The following ZNF578 variants were observed in gnomAD, a reference collection of about 807,000 sequenced individuals.
ZNF578 encodes the protein Putative chemokine-related protein B42.
A neutral mutation model predicts 8.3 loss-of-function variants in ZNF578; 8 were observed. The observed-to-expected ratio is 0.96, with a 90% confidence interval of 0.56 to 1.74. The LOEUF is 1.74. Among genes scored for constraint, ZNF578 ranks in the 40% most tolerant of loss-of-function variants. The pLI, the probability that ZNF578 is intolerant of heterozygous loss-of-function variation, is 0.00. For synonymous variants in ZNF578, 206 were observed against 232.2 expected, an observed-to-expected ratio of 0.89 and a Z score of 1.03; for missense variants, 726 against 707.5, an observed-to-expected ratio of 1.03 and a Z score of -0.30.
chr19:52,482,078 G>C (rs1176494018), intron 2 of ZNF578, among the ~76,000 whole-genome samples: 1 of 152,144 alleles, frequency 6.6e-6, no homozygotes. Flanking sequence ...TTGTTGTCCA[G>C]GCTGGAGTGC....
intron 3 of ZNF578, among the ~76,000 whole-genome samples, chr19:52,493,532 A>G (rs936819550): frequency 9.2e-5 from 14 of 152,160 alleles, no homozygotes; most frequent in African/African-American, 2.7e-4. Flanking sequence ...AGGGAGAAAC[A>G]CAGCAGGGAG....
At chr19:52,482,092 G>T (rs1306942764) in intron 2 of ZNF578, among the ~76,000 whole-genome samples, 1 of 152,140 alleles carries the variant, frequency 6.6e-6, no homozygotes, top group African/African-American at 2.4e-5. Flanking sequence ...GGAGTGCAAT[G>T]GTATGATCTC....
intron 2 of ZNF578, among the ~76,000 whole-genome samples, chr19:52,490,543 G>A (rs2059361708): frequency 6.6e-6 from 1 of 152,102 alleles, no homozygotes; most frequent in African/African-American, 2.4e-5. Flanking sequence ...GATATGTAAT[G>A]GAACTGACAC....
intron 2 of ZNF578, among the ~76,000 whole-genome samples, chr19:52,480,002 C>A (rs1309282470): frequency 6.6e-6 from 1 of 152,132 alleles, no homozygotes; most frequent in East Asian, 1.9e-4. Flanking sequence ...CTCCGCCTCC[C>A]GGGTTCATGC....
At chr19:52,501,570 T>A (rs528911119) in intron 3 of ZNF578, among the ~76,000 whole-genome samples, 1 of 152,136 alleles carries the variant, frequency 6.6e-6, no homozygotes, top group South Asian at 2.1e-4. Context: ...GAAGGAGAGA[T>A]CAGTCCAGCC....
intron 2 of ZNF578, among the ~76,000 whole-genome samples, chr19:52,467,493 G>A (rs74826240): frequency 6.6e-6 from 1 of 152,060 alleles, no homozygotes; most frequent in African/African-American, 2.4e-5. Context: ...GCACAAACCT[G>A]TAGTCCCACC....
chr19:52,459,729 G>A lies in ZNF578; in HGVS notation c.-122+2771G>A, dbSNP rs1405277474. ...TATGTAGATATGTGTGTGTGTGTGT[G>A]TGTGTGTGTGTGTGTGTGTGTGTAT... is the stretch of plus-strand genomic sequence containing the variant. On this transcript the variant is annotated intron_variant, in intron 2 of 5. Coordinates refer to ENST00000421239, the MANE Select transcript of ZNF578 (RefSeq NM_001099694.2). Among the ~76,000 whole-genome samples the A allele has an allele frequency of 4.9e-3, 107 of 21,658 alleles. 1 individual carries two copies. The highest frequency in any genetic ancestry group is 7.2e-3 in the African/African-American group (55 of 7,674). The allele number at this position is 21,658 out of a possible 152,430, so 14.2% of individuals were successfully genotyped here. A position where few individuals can be genotyped will look rare whatever the true frequency, so the allele number is the denominator to read the frequency against.
chr19:52,458,908 T>C (rs2059247744), intron 2 of ZNF578: 1 of 152,218 alleles, frequency 6.6e-6, no homozygotes, highest in Non-Finnish European at 1.5e-5. Flanking sequence ...ATTACAGATG[T>C]TTGTCATAAG....
At chr19:52,478,674 A>C (rs1176963072) in intron 2 of ZNF578, among the ~76,000 whole-genome samples, 1 of 152,100 alleles carries the variant, frequency 6.6e-6, no homozygotes, top group African/African-American at 2.4e-5. Flanking sequence ...CAGATGATCA[A>C]CTTTAAGGCC....
chr19:52,508,786 A>G (rs1318606175), intron 5 of ZNF578, among the ~76,000 whole-genome samples: 1 of 145,602 alleles, frequency 6.9e-6, no homozygotes, highest in Non-Finnish European at 1.5e-5. Flanking sequence ...CAAGAGTGGA[A>G]CTCTGTCTCA....
chr19:52,498,329 G>GTTTT (rs58765518), intron 3 of ZNF578, among the ~76,000 whole-genome samples: 3 of 113,724 alleles, frequency 2.6e-5, no homozygotes, highest in East Asian at 2.6e-4. Flanking sequence ...GCTAATGTGT[G>GTTTT]TTTTTTTTTT....
intron 2 of ZNF578, among the ~76,000 whole-genome samples, chr19:52,464,653 T>G (rs116630462): frequency 0.014 from 2,130 of 152,260 alleles, 50 homozygotes; most frequent in African/African-American, 0.048. Context: ...TTGTTCTCTA[T>G]TTTTTGCTGC....
intron 2 of ZNF578, among the ~76,000 whole-genome samples, chr19:52,479,944 C>G (rs2059320267): frequency 6.6e-6 from 1 of 152,124 alleles, no homozygotes; most frequent in Admixed American, 6.6e-5. Flanking sequence ...CAGTCTCGCT[C>G]TGTCTCCCAG....
At chr19:52,473,447 T>A (rs114779874) in intron 2 of ZNF578, 2,103 of 155,900 alleles carry the variant, frequency 0.013, 50 homozygotes, top group African/African-American at 0.047. Flanking sequence ...AAGGTGGAAC[T>A]TTTGTCTAAA....
intron 2 of ZNF578, chr19:52,458,861 T>G (rs2059247594): frequency 6.6e-6 from 1 of 152,226 alleles, no homozygotes; most frequent in Admixed American, 6.5e-5. Context: ...TTAATTTGAA[T>G]TTTTGCGTAT....
intron 2 of ZNF578, among the ~76,000 whole-genome samples, chr19:52,468,858 G>A (rs2059283353): frequency 6.6e-6 from 1 of 152,184 alleles, no homozygotes; most frequent in Non-Finnish European, 1.5e-5. Flanking sequence ...TCAGATTATA[G>A]GTTCTTCAGC....
intron 3 of ZNF578, among the ~76,000 whole-genome samples, chr19:52,491,709 T>C (rs1363159305): frequency 2.0e-5 from 3 of 151,754 alleles, no homozygotes; most frequent in Non-Finnish European, 1.5e-5. Context: ...AGAAATACTG[T>C]CTTAAAAATA....
At position 52,511,905 on chromosome 19, in the gene ZNF578, G is replaced by C; in HGVS notation, c.1524G>C (p.Glu508Asp). 2 of 1,613,698 alleles carry C rather than the reference G, an allele frequency of 1.2e-6. No individual in the cohort carries two copies. Among genetic ancestry groups the C allele is most frequent in the Non-Finnish European group, 1.7e-6 (2 of 1,179,916 alleles). ...GCCATCGTAGACTTCATAGTGGTGA[G>C]AAACCTTACAAGTGTAATGAATGTG... ...LPCHRRLHSGEKPYKCNECGK... is the reference protein window; with the variant it reads ...LPCHRRLHSGDKPYKCNECGK... Residue 508 changes from glutamate (E) to aspartate (D), a missense_variant, in exon 6 of 6, where the codon GAG becomes GAC. Glu to Asp is a conservative substitution (Grantham distance 45). Coordinates refer to ENST00000421239, the MANE Select transcript of ZNF578 (RefSeq NM_001099694.2).
chr19:52,478,721 A>T (rs1228026479), intron 2 of ZNF578, among the ~76,000 whole-genome samples: 3 of 151,420 alleles, frequency 2.0e-5, no homozygotes, highest in African/African-American at 4.9e-5. Flanking sequence ...TTTATTTTTT[A>T]TTTATTTTTT....
Sources: gnomAD v4.1 joint callset for allele counts (sites outside exome capture counted in the v4.1 genomes callset) on GRCh38, gnomAD v4.1.1 for gene constraint, MANE v1.5 for transcripts, NCBI Gene and HGNC (gene_info 2026-07-23, HGNC 2026-07-21) for gene names.